Variants in MRC1 observed in about 807,000 individuals in gnomAD.
MRC1 encodes macrophage mannose receptor 1.
A neutral mutation model predicts 102.9 loss-of-function variants in MRC1; 62 were observed. The observed-to-expected ratio is 0.60, with a 90% CI of 0.49 to 0.74. The LOEUF is 0.74. Ranked by LOEUF, MRC1 falls within the 30% of genes least tolerant of loss-of-function variation. MRC1 has a pLI of 0.00. For missense variants in MRC1, 1,237 were observed against 862.8 expected (o/e 1.43, Z -5.43); for synonymous variants, 457 against 298.4 (o/e 1.53, Z -5.48).
At chr10:17,820,322 T>C (rs1838376045) in intron 1 of MRC1, among the ~76,000 whole-genome samples, 1 of 152,092 alleles carries the variant, frequency 6.6e-6, no homozygotes, top group Non-Finnish European at 1.5e-5. Context: ...TCCTAGGTTT[T>C]TAGCTTATAG....
Position 17,827,420 on chromosome 10 carries a change from C to G in MRC1, c.464-122C>G. On this transcript the variant is annotated intron_variant, in intron 2 of 29. Transcript: ENST00000569591. Reference sequence around the variant, plus strand: ...AAAAAAAAAAAAAAAAGAAATCCCTCTGTGGGTGCATCAAGTGTAATCAGA... The same window carrying G: ...AAAAAAAAAAAAAAAAGAAATCCCTGTGTGGGTGCATCAAGTGTAATCAGA... 4.8e-6 allele frequency: 2 copies of G among 418,234 alleles called. 1 individual carries two copies. Among genetic ancestry groups the G allele is most frequent in the Non-Finnish European group, 9.1e-6 (2 of 219,674 alleles). The allele number at this position is 418,234 out of a possible 1,614,324, so 25.9% of individuals were successfully genotyped here. A position where few individuals can be genotyped will look rare whatever the true frequency, so the allele number is the denominator to read the frequency against.
Position 17,849,576 on chromosome 10 carries a change from TAGAAA to T in MRC1, c.1064-2_1066del. ...TTTTTCCGACCCCCCTTTTTGTTTC[TAGAAA>T]GTGATGTGCCTACTCACTGTCCTAG... On this transcript the variant is annotated splice_acceptor_variant and coding_sequence_variant, in exon 7 of 30. Transcript: ENST00000569591. LOFTEE classifies it high-confidence loss of function. 1 of 778,680 alleles carries T rather than the reference TAGAAA, an allele frequency of 1.3e-6. No individual in the cohort carries two copies. The highest frequency in any genetic ancestry group is 1.7e-5 in the Admixed American group (1 of 58,778). 48.2% of individuals were successfully genotyped at this position (778,680 alleles called of 1,614,324 possible).
chr10:17,911,125 T>C lies in MRC1; in HGVS notation c.*660T>C, dbSNP rs1245165328. 1 of 153,418 alleles carries C rather than the reference T, an allele frequency of 6.5e-6. No homozygotes were observed. The highest frequency in any genetic ancestry group is 1.5e-5 in the Non-Finnish European group (1 of 68,610). The allele number at this position is 153,418 out of a possible 1,614,324, so 9.5% of individuals were successfully genotyped here. ...TGCATAACTGGATGTACTTAGATAATGTGAAATAAACATTAAAGACAAGGT... is the reference window on the plus strand; with the variant it reads ...TGCATAACTGGATGTACTTAGATAACGTGAAATAAACATTAAAGACAAGGT... On this transcript the variant is annotated 3_prime_UTR_variant, in exon 30 of 30. Transcript: ENST00000569591.
chr10:17,901,081 C>T (rs1833823051), intron 25 of MRC1, 128 bp downstream of exon 25: 1 of 680,404 alleles, frequency 1.5e-6, no homozygotes, highest in African/African-American at 1.8e-5. Flanking sequence ...CATACTCCCT[C>T]ACCTATCAAA....
chr10:17,827,442 C>T (rs1838497725), intron 2 of MRC1, 100 bp from the exon 3 acceptor site: 1 of 497,696 alleles, frequency 2.0e-6, no homozygotes, highest in Admixed American at 2.3e-5. Flanking sequence ...CAAGTGTAAT[C>T]AGAACAGTAA....
chr10:17,829,467 G>A (rs1023336783), intron 3 of MRC1, among the ~76,000 whole-genome samples: 6 of 151,532 alleles, frequency 4.0e-5, no homozygotes, highest in Admixed American at 3.9e-4. Flanking sequence ...TGTTCATAGC[G>A]ACACTGCTGC....
chr10:17,897,204 T>A (rs1313274339), intron 23 of MRC1, among the ~76,000 whole-genome samples: 1 of 152,214 alleles, frequency 6.6e-6, no homozygotes, highest in African/African-American at 2.4e-5. Flanking sequence ...CAGGTCAGAT[T>A]TCATCCTCTG....
intron 22 of MRC1, 141 bp from the exon 23 acceptor site, chr10:17,894,069 G>A: frequency 4.4e-6 from 3 of 687,208 alleles, no homozygotes; most frequent in South Asian, 1.7e-5. Flanking sequence ...AAGTAATGAT[G>A]GATTGAGCAT....
intron 4 of MRC1, 73 bp downstream of exon 4, chr10:17,833,912 G>C (rs2130613489): frequency 1.3e-6 from 1 of 760,762 alleles, no homozygotes; most frequent in African/African-American, 1.7e-5. Context: ...GAAGTCAACA[G>C]CACAAGTGTT....
chr10:17,909,565 A>AT (rs542028706), intron 29 of MRC1, among the ~76,000 whole-genome samples: 8,311 of 146,302 alleles, frequency 0.057, 312 homozygotes, highest in South Asian at 0.089. Context: ...TATTGAAGGC[A>AT]TTTTTTTTTT....
chr10:17,903,872 C>T (rs1351853012), intron 26 of MRC1, among the ~76,000 whole-genome samples: 7 of 152,020 alleles, frequency 4.6e-5, no homozygotes, highest in Non-Finnish European at 1.0e-4. Flanking sequence ...AGGAGAATCA[C>T]TTGAACCCAG....
At chr10:17,812,212 G>A (rs1158412976) in intron 1 of MRC1, among the ~76,000 whole-genome samples, 5 of 152,124 alleles carry the variant, frequency 3.3e-5, no homozygotes, top group Non-Finnish European at 4.4e-5. Context: ...AGGGCTAGAC[G>A]CTCACCTTTC....
intron 6 of MRC1, among the ~76,000 whole-genome samples, chr10:17,846,262 G>A (rs1269944120): frequency 6.6e-6 from 1 of 151,978 alleles, no homozygotes; most frequent in African/African-American, 2.4e-5. Context: ...AATCAATTGT[G>A]TTGTCCCTTA....
intron 9 of MRC1, among the ~76,000 whole-genome samples, chr10:17,856,830 TGGAGAG>T (rs1202170248): frequency 6.6e-5 from 10 of 152,204 alleles, no homozygotes; most frequent in Admixed American, 6.5e-4. Context: ...AGGCATCTCC[TGGAGAG>T]GATTCTTCTC....
At chr10:17,822,052 A>C (rs2130588920) in intron 1 of MRC1, among the ~76,000 whole-genome samples, 1 of 152,352 alleles carries the variant, frequency 6.6e-6, no homozygotes, top group East Asian at 1.9e-4. Flanking sequence ...TTAAAGGAAA[A>C]AAAAATGCTT....
intron 16 of MRC1, among the ~76,000 whole-genome samples, chr10:17,874,881 T>C (rs1833407555): frequency 6.6e-6 from 1 of 152,188 alleles, no homozygotes; most frequent in Non-Finnish European, 1.5e-5. Flanking sequence ...ACAAAATGGG[T>C]CCTTTTTACC....
chr10:17,839,460 T>C (rs1838717742), intron 4 of MRC1, among the ~76,000 whole-genome samples: 1 of 147,904 alleles, frequency 6.8e-6, no homozygotes, highest in Non-Finnish European at 1.5e-5. Flanking sequence ...AGAAAGATAA[T>C]TATATTTAAG....
intron 1 of MRC1, among the ~76,000 whole-genome samples, chr10:17,821,713 T>C (rs1838399219): frequency 6.6e-6 from 1 of 152,112 alleles, no homozygotes; most frequent in African/African-American, 2.4e-5. Flanking sequence ...CCCTGGGGTG[T>C]TCAGAACAGG....
At chr10:17,845,130 T>G (rs1838806580) in intron 5 of MRC1, 159 bp from the exon 6 acceptor site, 1 of 779,244 alleles carries the variant, frequency 1.3e-6, no homozygotes, top group Non-Finnish European at 2.4e-6. Flanking sequence ...TCGTGTCTTT[T>G]GCTCTGCAGT....
Sources: gnomAD v4.1 joint callset for allele counts (sites outside exome capture counted in the v4.1 genomes callset) on GRCh38, gnomAD v4.1.1 for gene constraint, MANE v1.5 for transcripts, NCBI Gene and HGNC (gene_info 2026-07-23, HGNC 2026-07-21) for gene names.